Variants in MICU3 observed in about 807,000 individuals in gnomAD.
MICU3 encodes the protein mitochondrial calcium uptake 3, also known as calcium uptake protein 3, mitochondrial.
MICU3 carries 62 observed loss-of-function variants against 66.5 expected under a neutral mutation model. The ratio of observed to expected loss-of-function variants is 0.93; its 90% CI spans 0.76 to 1.15. The LOEUF (loss-of-function observed/expected upper bound fraction) is 1.15. Among genes scored for constraint, MICU3 ranks in the 50% most tolerant of loss-of-function variants. The pLI is 0.00. For synonymous variants in MICU3, 308 were observed against 240.7 expected (o/e 1.28, Z -2.59); for missense variants, 779 against 664.4 (o/e 1.17, Z -1.90).
At chr8:17,126,535 T>C (rs1372263588), downstream of MICU3, among the ~76,000 whole-genome samples, 1 of 152,204 alleles carries the variant, frequency 6.6e-6, no homozygotes, top group Non-Finnish European at 1.5e-5. Context: ...AACTTAAGGA[T>C]GGTTATCTTT....
At chr8:17,109,633 T>C (rs1802027027) in intron 11 of MICU3, among the ~76,000 whole-genome samples, 1 of 152,112 alleles carries the variant, frequency 6.6e-6, no homozygotes. Context: ...GGACTAGAAA[T>C]TGGTTCCTCT....
chr8:17,067,718 C>T (rs1249311397), intron 2 of MICU3, among the ~76,000 whole-genome samples: 2 of 152,104 alleles, frequency 1.3e-5, no homozygotes, highest in Non-Finnish European at 2.9e-5. Context: ...CAATTACAGG[C>T]GTAAGCCACC....
intron 10 of MICU3, 133 bp from the exon 11 acceptor site, chr8:17,105,280 A>T: frequency 1.8e-6 from 1 of 564,108 alleles, no homozygotes; most frequent in Non-Finnish European, 3.1e-6. Context: ...TACAGGGAGG[A>T]ACTTTATTAA....
downstream of MICU3, among the ~76,000 whole-genome samples, chr8:17,124,878 T>A (rs1004800961): frequency 2.6e-5 from 4 of 152,118 alleles, no homozygotes; most frequent in African/African-American, 9.7e-5. Context: ...TACCTTTTTC[T>A]CTTCTTTCTA....
intron 7 of MICU3, among the ~76,000 whole-genome samples, chr8:17,087,420 A>G (rs1025366374): frequency 6.6e-6 from 1 of 152,092 alleles, no homozygotes; most frequent in Non-Finnish European, 1.5e-5. Flanking sequence ...GTCGAAACGA[A>G]TAGAAGGAGA....
intron 11 of MICU3, among the ~76,000 whole-genome samples, chr8:17,111,691 A>G (rs1174056205): frequency 6.6e-6 from 1 of 152,190 alleles, no homozygotes; most frequent in Non-Finnish European, 1.5e-5. Context: ...ATTAGTTTTT[A>G]TAAATGGTAT....
At chr8:17,082,624 GTAGT>G (rs1182831257) in intron 5 of MICU3, among the ~76,000 whole-genome samples, 4 of 152,098 alleles carry the variant, frequency 2.6e-5, no homozygotes, top group Non-Finnish European at 4.4e-5. Flanking sequence ...CTTCCAAAAA[GTAGT>G]TAGTGAATGA....
At chr8:17,080,169 TA>T (rs1421350301) in intron 4 of MICU3, among the ~76,000 whole-genome samples, 2 of 152,118 alleles carry the variant, frequency 1.3e-5, no homozygotes. Context: ...TGGAAAGCAT[TA>T]AAAATATACC....
At chr8:17,104,176 A>G (rs1434154926) in intron 9 of MICU3, among the ~76,000 whole-genome samples, 1 of 151,920 alleles carries the variant, frequency 6.6e-6, no homozygotes, top group African/African-American at 2.4e-5. Flanking sequence ...TTTGAGTACA[A>G]TGATCAGTTC....
chr8:17,052,607 C>G (rs983767300), intron 1 of MICU3, among the ~76,000 whole-genome samples: 14 of 152,130 alleles, frequency 9.2e-5, no homozygotes, highest in Non-Finnish European at 2.9e-5. Context: ...CTTTTAAAAA[C>G]TTTGATCTCA....
chr8:17,060,563 C>T (rs753656419), intron 1 of MICU3, among the ~76,000 whole-genome samples: 2 of 152,138 alleles, frequency 1.3e-5, no homozygotes, highest in East Asian at 1.9e-4. Flanking sequence ...CCGCCTGCCT[C>T]GGCCTCCCAT....
chr8:17,102,888 A>G (rs1171702947), intron 9 of MICU3, among the ~76,000 whole-genome samples: 1 of 152,012 alleles, frequency 6.6e-6, no homozygotes, highest in Non-Finnish European at 1.5e-5. Context: ...TAAACTGAGA[A>G]GTAGTAGTAG....
chr8:17,110,987 A>T (rs1802156165), intron 11 of MICU3, among the ~76,000 whole-genome samples: 1 of 152,140 alleles, frequency 6.6e-6, no homozygotes, highest in Admixed American at 6.5e-5. Flanking sequence ...CAATTTGTTT[A>T]TCCATTCATC....
chr8:17,058,349 A>G (rs910771993), intron 1 of MICU3, among the ~76,000 whole-genome samples: 2 of 152,194 alleles, frequency 1.3e-5, no homozygotes, highest in South Asian at 4.1e-4. Context: ...TCCTAGTAAT[A>G]TAAGGATATA....
At position 17,105,399 on chromosome 8, in the gene MICU3, C is replaced by T. The variant is rs200736666; in HGVS notation, c.1086-14C>T. Reference sequence around the variant, plus strand: ...TCTTTATCTTTTTCCTTCTTTATTACATTTTTGTCATAGATTCATGGATAA... The same window carrying T: ...TCTTTATCTTTTTCCTTCTTTATTATATTTTTGTCATAGATTCATGGATAA... On this transcript the variant is annotated splice_polypyrimidine_tract_variant and intron_variant, in intron 10 of 14. Transcript: ENST00000318063. 179 of 1,456,714 alleles carry T rather than the reference C, an allele frequency of 1.2e-4. No homozygotes were observed. Among genetic ancestry groups the T allele is most frequent in the Middle Eastern group, 7.7e-4 (4 of 5,228 alleles). The allele number at this position is 1,456,714 out of a possible 1,614,324, so 90.2% of individuals were successfully genotyped here.
At chr8:17,108,898 C>T (rs993108183) in intron 11 of MICU3, among the ~76,000 whole-genome samples, 1 of 152,126 alleles carries the variant, frequency 6.6e-6, no homozygotes, top group Admixed American at 6.5e-5. Context: ...TCTGATCCTC[C>T]TAGCTCACTC....
Position 17,087,040 on chromosome 8 carries a change from G to T in MICU3, c.849+5G>T. ...GAAGAAAAGCGTGCAATGCTGGTAA[G>T]AATACTTTATAGTAGCTTTAGGTGG... On this transcript the variant is annotated splice_donor_5th_base_variant and intron_variant, in intron 7 of 14. Transcript: ENST00000318063. 1 of 1,590,404 alleles carries T rather than the reference G, an allele frequency of 6.3e-7. No individual in the cohort carries two copies. Among genetic ancestry groups the T allele is most frequent in the South Asian group, 1.1e-5 (1 of 90,142 alleles).
intron 2 of MICU3, among the ~76,000 whole-genome samples, chr8:17,066,546 T>A (rs1818744108): frequency 1.7e-5 from 2 of 118,772 alleles, no homozygotes; most frequent in African/African-American, 5.9e-5. Flanking sequence ...TATATAGATT[T>A]TTTTTTTTTT....
At position 17,027,334 on chromosome 8, in the gene MICU3, T is replaced by C; in HGVS notation, c.55T>C (p.Cys19Arg). 1.3e-6 allele frequency: 2 copies of C among 1,526,498 alleles called. No homozygotes were observed. The highest frequency in any genetic ancestry group is 1.2e-5 in the South Asian group (1 of 82,618). 94.6% of individuals were successfully genotyped at this position (1,526,498 alleles called of 1,614,324 possible). The stretch of plus-strand genomic sequence containing the variant: ...GCCACCCCGGGTGTCTCCTCCACTC[T>C]GCGCTCACCAGCCCCTCCTTGGGCC... ...WPPPRVSPPL[C>R]AHQPLLGPWG... Residue 19 changes from cysteine (C) to arginine (R), a missense_variant, in exon 1 of 15, where the codon TGC becomes CGC. Cys to Arg is a radical substitution (Grantham distance 180). Coordinates refer to ENST00000318063, the MANE Select transcript of MICU3 (RefSeq NM_181723.3).
Sources: allele counts gnomAD v4.1 joint callset (sites outside exome capture counted in the v4.1 genomes callset), GRCh38; gene constraint gnomAD v4.1.1; transcripts MANE v1.5; gene names NCBI Gene and HGNC (gene_info 2026-07-23, HGNC 2026-07-21).